The following TCEANC2 variants were observed in gnomAD, a reference collection of about 807,000 sequenced individuals.
TCEANC2 encodes the protein transcription elongation factor A N-terminal and central domain containing 2.
Under a neutral mutation model 22.8 loss-of-function variants are expected in TCEANC2, and 20 were observed. The ratio of observed to expected loss-of-function variants is 0.88; its 90% confidence interval spans 0.62 to 1.28. The LOEUF is 1.28. Ranked by LOEUF, TCEANC2 falls within the 50% of genes most tolerant of loss-of-function variation. The pLI, the probability that TCEANC2 is intolerant of heterozygous loss-of-function variation, is 0.00. For missense variants in TCEANC2, 251 were observed against 249.7 expected, an observed-to-expected ratio of 1.01 and a Z score of -0.03; for synonymous variants, 84 against 95.5, an observed-to-expected ratio of 0.88 and a Z score of 0.70.
At chr1:54,108,937 G>A (rs12044517), downstream of TCEANC2, among the ~76,000 whole-genome samples, 85,417 of 151,790 alleles carry the variant, frequency 0.56, 26,713 homozygotes, top group African/African-American at 0.84. Context: ...GCACCACTGC[G>A]CTCCAGCCTG....
chr1:54,107,143 C>G (rs190397040), downstream of TCEANC2, among the ~76,000 whole-genome samples: 1 of 152,338 alleles, frequency 6.6e-6, no homozygotes, highest in East Asian at 1.9e-4. Context: ...TCTATCCTGT[C>G]TCCTCTGTTC....
rs1275723489 is a variant in TCEANC2 at position 54,101,884 on chromosome 1, C to T, written c.*5411C>T. On this transcript the variant is annotated 3_prime_UTR_variant, in exon 5 of 5. Transcript: ENST00000234827. ...TCCTGGCCTCAAGTGAGCCTCCTGC[C>T]TTGGCCTTCCAAAGTGTTGGGATTA... 2 of 152,230 alleles carry T rather than the reference C, an allele frequency of 1.3e-5. No homozygotes were observed. The highest frequency in any genetic ancestry group is 4.8e-5 in the African/African-American group (2 of 41,442). 9.4% of individuals were successfully genotyped at this position (152,230 alleles called of 1,614,324 possible).
chr1:54,057,219 T>C (rs1657767366), intron 2 of TCEANC2, among the ~76,000 whole-genome samples: 1 of 150,180 alleles, frequency 6.7e-6, no homozygotes, highest in Non-Finnish European at 1.5e-5. Flanking sequence ...CCAATTTTCT[T>C]TTTTCTTTGT....
chr1:54,060,958 A>T, intron 2 of TCEANC2, among the ~76,000 whole-genome samples: 1 of 152,074 alleles, frequency 6.6e-6, no homozygotes, highest in East Asian at 1.9e-4. Context: ...AAACAAAAAA[A>T]AAAAGAGGTA....
intron 4 of TCEANC2, among the ~76,000 whole-genome samples, chr1:54,091,005 T>C (rs1334082033): frequency 6.6e-6 from 1 of 152,188 alleles, no homozygotes; most frequent in Admixed American, 6.5e-5. Context: ...TCAAGTGTTA[T>C]AAAGCAAAGT....
chr1:54,110,073 C>T (rs4927055), downstream of TCEANC2, among the ~76,000 whole-genome samples: 44,688 of 152,032 alleles, frequency 0.29, 7,151 homozygotes, highest in Admixed American at 0.43. Context: ...AAAGCCCCAA[C>T]CACCAGGTAG....
intron 4 of TCEANC2, among the ~76,000 whole-genome samples, chr1:54,090,936 A>G (rs759581254): frequency 1.3e-5 from 2 of 152,212 alleles, no homozygotes; most frequent in Non-Finnish European, 2.9e-5. Flanking sequence ...CTCCACGATA[A>G]TTATCCTTTT....
Position 54,103,263 on chromosome 1 carries a change from CCTGAGA to C in TCEANC2, c.*6794_*6799del, listed in dbSNP as rs1326905167. 3 of 152,192 alleles carry C rather than the reference CCTGAGA, an allele frequency of 2.0e-5. No individual in the cohort carries two copies. The highest frequency in any genetic ancestry group is 4.4e-5 in the Non-Finnish European group (3 of 68,088). 9.4% of individuals were successfully genotyped at this position (152,192 alleles called of 1,614,324 possible). On this transcript the variant is annotated 3_prime_UTR_variant, in exon 5 of 5. Transcript: ENST00000234827. ...TTTTCACACTGCTATAAAGATACTACCTGAGACTGGGTAATTTAAGAAGGAAAGAGG... is the reference window on the plus strand; with the variant it reads ...TTTTCACACTGCTATAAAGATACTACCTGGGTAATTTAAGAAGGAAAGAGG...
At position 54,104,757 on chromosome 1, in the gene TCEANC2, GTTT is replaced by G. The variant is rs1227993215; in HGVS notation, c.*8286_*8288del. On this transcript the variant is annotated 3_prime_UTR_variant, in exon 5 of 5. Transcript: ENST00000234827. ...GAGTTTCGCCATGTTGGCCAGACTAGTTTTGAACTTCTGGCCTCAAGCAGTCCA... is the reference window on the plus strand; with the variant it reads ...GAGTTTCGCCATGTTGGCCAGACTAGTGAACTTCTGGCCTCAAGCAGTCCA... The G allele has an allele frequency of 2.2e-6, 1 of 445,204 alleles. No individual in the cohort carries two copies. The highest frequency in any genetic ancestry group is 4.6e-6 in the Non-Finnish European group (1 of 219,314). The allele number at this position is 445,204 out of a possible 1,614,324, so 27.6% of individuals were successfully genotyped here.
At chr1:54,068,965 C>G in intron 3 of TCEANC2, 68 bp downstream of exon 3, 1 of 1,388,400 alleles carries the variant, frequency 7.2e-7, no homozygotes, top group Admixed American at 3.1e-5. Flanking sequence ...TTTCCTTCCT[C>G]TCTCCTTCAA....
chr1:54,095,483 A>G (rs1176316972), intron 4 of TCEANC2, among the ~76,000 whole-genome samples: 1 of 151,996 alleles, frequency 6.6e-6, no homozygotes, highest in African/African-American at 2.4e-5. Context: ...CAGCATCCCA[A>G]CCTACCCTGG....
chr1:54,055,941 T>A (rs1657744607), intron 2 of TCEANC2, among the ~76,000 whole-genome samples: 1 of 152,232 alleles, frequency 6.6e-6, no homozygotes, highest in African/African-American at 2.4e-5. Flanking sequence ...TCTTCATTAT[T>A]TGGAGCTGCT....
At chr1:54,081,428 G>A (rs1658242459) in intron 3 of TCEANC2, among the ~76,000 whole-genome samples, 2 of 151,954 alleles carry the variant, frequency 1.3e-5, no homozygotes, top group South Asian at 4.2e-4. Flanking sequence ...TAAATTTTTT[G>A]TAGAGATAGG....
intron 4 of TCEANC2, 136 bp downstream of exon 4, chr1:54,088,926 G>A (rs993799811): frequency 2.0e-6 from 1 of 504,924 alleles, no homozygotes; most frequent in Non-Finnish European, 3.3e-6. Context: ...TCATAATTAA[G>A]ATTTCATAAT....
chr1:54,090,729 T>C (rs1658431217), intron 4 of TCEANC2, among the ~76,000 whole-genome samples: 1 of 152,180 alleles, frequency 6.6e-6, no homozygotes, highest in Admixed American at 6.5e-5. Flanking sequence ...AGAGTATCGA[T>C]TAGCCAACAA....
At chr1:54,089,915 A>G (rs929765758) in intron 4 of TCEANC2, 84 of 749,974 alleles carry the variant, frequency 1.1e-4, no homozygotes, top group Non-Finnish European at 1.3e-4. Flanking sequence ...TTCAGCAAAC[A>G]ATGGCAAGGC....
At position 54,096,925 on chromosome 1, in the gene TCEANC2, C is replaced by T; in HGVS notation, c.*452C>T. The T allele has an allele frequency of 2.0e-6, 2 of 987,292 alleles. No homozygotes were observed. Among genetic ancestry groups the T allele is most frequent in the Non-Finnish European group, 1.2e-6 (1 of 830,908 alleles). The allele number at this position is 987,292 out of a possible 1,614,324, so 61.2% of individuals were successfully genotyped here. On this transcript the variant is annotated 3_prime_UTR_variant, in exon 5 of 5. Transcript: ENST00000234827. The surrounding 1 kb of genome is among the most constrained non-coding windows in gnomAD (Gnocchi z 4.9). Reference sequence around the variant, plus strand: ...GATAGCTCTGGTGCCTCTCAGAACTCCCCTGTCTGTTCTCTTTGCTCTATC... The same window carrying T: ...GATAGCTCTGGTGCCTCTCAGAACTTCCCTGTCTGTTCTCTTTGCTCTATC...
At chr1:54,110,331 G>A (rs1658820646), downstream of TCEANC2, among the ~76,000 whole-genome samples, 1 of 152,160 alleles carries the variant, frequency 6.6e-6, no homozygotes, top group African/African-American at 2.4e-5. Context: ...GGGTGTGGTG[G>A]CTCATGCCTG....
chr1:54,080,061 T>G (rs1658208628), intron 3 of TCEANC2, among the ~76,000 whole-genome samples: 1 of 152,164 alleles, frequency 6.6e-6, no homozygotes, highest in Non-Finnish European at 1.5e-5. Flanking sequence ...CTTTTCATTC[T>G]CAGGGCTCTG....
Sources: gnomAD v4.1 joint callset for allele counts (sites outside exome capture counted in the v4.1 genomes callset) on GRCh38, gnomAD v4.1.1 for gene constraint, Gnocchi (gnomAD v3.1) non-coding constraint, MANE v1.5 for transcripts, NCBI Gene and HGNC (gene_info 2026-07-23, HGNC 2026-07-21) for gene names.